The following CFAP99 variants were observed in gnomAD, a reference collection of about 807,000 sequenced individuals.
CFAP99 encodes the protein cilia and flagella associated protein 99.
In CFAP99, 84 loss-of-function variants were observed where a neutral mutation model predicts 82.7. The ratio of observed to expected loss-of-function variants is 1.02; its 90% CI spans 0.85 to 1.22. The LOEUF (loss-of-function observed/expected upper bound fraction) is 1.22, where lower values mean the gene tolerates loss of function less well. Ranked by LOEUF, CFAP99 falls within the 50% of genes most tolerant of loss-of-function variation. CFAP99 has a pLI of 0.00. For missense variants in CFAP99, 1,059 were observed against 983.5 expected, an observed-to-expected ratio of 1.08 and a Z score of -1.03; for synonymous variants, 456 against 429.5, an observed-to-expected ratio of 1.06 and a Z score of -0.76.
At chr4:2,456,475 G>A (rs917453679) in intron 11 of CFAP99, among the ~76,000 whole-genome samples, 14 of 152,098 alleles carry the variant, frequency 9.2e-5, no homozygotes, top group Non-Finnish European at 1.5e-5. Flanking sequence ...CCAGGAGTTC[G>A]AGACCAGCTT....
In CFAP99 at chr4:2,453,428, C is replaced by A. The variant is rs529224166; in HGVS notation, c.1161+1082C>A. On this transcript the variant is annotated intron_variant, in intron 11 of 14. Transcript: ENST00000635017. ...ACGCAGGAGTCCTTGCCGTTTGGGA[C>A]GCGTGGTTTTACTAAATATGGCCAA... is the stretch of plus-strand genomic sequence containing the variant. Among the ~76,000 whole-genome samples the A allele has an allele frequency of 2.6e-5, 4 of 152,128 alleles. No homozygotes were observed. In the East Asian group the frequency reaches 7.7e-4, roughly 29 times the overall value.
chr4:2,450,722 C>T (rs956624409), intron 8 of CFAP99, among the ~76,000 whole-genome samples: 1 of 152,198 alleles, frequency 6.6e-6, no homozygotes, highest in African/African-American at 2.4e-5. Flanking sequence ...ACAGGCCCTG[C>T]ACCCTCCCTG....
At chr4:2,435,594 AAAT>A (rs1733890190) in intron 2 of CFAP99, among the ~76,000 whole-genome samples, 1 of 152,170 alleles carries the variant, frequency 6.6e-6, no homozygotes, top group African/African-American at 2.4e-5. Flanking sequence ...ATTAATTATT[AAAT>A]AATGATAATT....
exon 14 of CFAP99, chr4:2,460,178 C>T (rs1734585660): frequency 2.0e-6 from 3 of 1,536,130 alleles, no homozygotes; most frequent in African/African-American, 2.7e-5. Flanking sequence ...GAGCCAGGAA[C>T]TGCAGAACAT....
chr4:2,458,620 T>TG, intron 11 of CFAP99, 103 bp from the exon 12 acceptor site: 2 of 1,392,388 alleles, frequency 1.4e-6, no homozygotes, highest in Non-Finnish European at 1.9e-6. Flanking sequence ...GGGCAGGGAC[T>TG]GGGTCCACCT....
intron 6 of CFAP99, among the ~76,000 whole-genome samples, chr4:2,445,980 A>C (rs187156278): frequency 6.6e-6 from 1 of 152,312 alleles, no homozygotes; most frequent in African/African-American, 2.4e-5. Context: ...GTGATCAGGA[A>C]TATAATGTCC....
Position 2,462,835 on chromosome 4 carries a change from T to A in CFAP99, c.2054T>A (p.Leu685Gln). ...GCGCAGCTAGAGGCGCAGCACTGGCTGGAGCTGGAGCGGAGCCGCGAGCGC... is the reference window on the plus strand; with the variant it reads ...GCGCAGCTAGAGGCGCAGCACTGGCAGGAGCTGGAGCGGAGCCGCGAGCGC... The change falls in exon 15 of 15, where the codon CTG (leucine) becomes CAG (glutamine). Residue 685 changes from leucine to glutamine, a missense_variant. Coordinates refer to ENST00000635017, the Ensembl canonical transcript of CFAP99. The surrounding 1 kb of genome is among the most constrained non-coding windows in gnomAD (Gnocchi z 4.1). The A allele has an allele frequency of 1.4e-6, 2 of 1,385,400 alleles. No individual in the cohort carries two copies. The highest frequency in any genetic ancestry group is 1.9e-6 in the Non-Finnish European group (2 of 1,069,062). The allele number at this position is 1,385,400 out of a possible 1,614,324, so 85.8% of individuals were successfully genotyped here. A position where few individuals can be genotyped will look rare whatever the true frequency, so the allele number is the denominator to read the frequency against.
intron 2 of CFAP99, among the ~76,000 whole-genome samples, chr4:2,431,230 A>G (rs758556086): frequency 1.3e-5 from 2 of 151,870 alleles, no homozygotes; most frequent in Non-Finnish European, 2.9e-5. Context: ...TTAGCCAGGC[A>G]TGGTGGCGGG....
At chr4:2,453,778 G>T (rs1185461513) in intron 11 of CFAP99, among the ~76,000 whole-genome samples, 12 of 133,106 alleles carry the variant, frequency 9.0e-5, no homozygotes, top group South Asian at 2.4e-4. Flanking sequence ...TATTTAACTT[G>T]ACAAATGCAA....
chr4:2,442,670 G>T (rs963564775), intron 4 of CFAP99, among the ~76,000 whole-genome samples: 6 of 152,272 alleles, frequency 3.9e-5, no homozygotes, highest in East Asian at 1.9e-4. Context: ...ACTGGCTTTC[G>T]GGAAGTTGAC....
At position 2,434,552 on chromosome 4, in the gene CFAP99, G is replaced by C. The variant is rs375168413; in HGVS notation, c.112-2322G>C. ...CACGGGGAACCTTGTGCTTAAAGCC[G>C]TTGCAAGGGCTGGAGGAACTCATGC... is the stretch of plus-strand genomic sequence containing the variant. On this transcript the variant is annotated intron_variant, in intron 2 of 14. Coordinates refer to ENST00000635017, the Ensembl canonical transcript of CFAP99. Among the ~76,000 whole-genome samples the C allele has an allele frequency of 3.3e-5, 5 of 152,332 alleles. No individual in the cohort carries two copies. In the South Asian group the frequency reaches 8.3e-4, roughly 25 times the overall value.
chr4:2,446,368 GTTATTATTATTA>G lies in CFAP99; in HGVS notation c.642+1090_642+1101del, dbSNP rs146154713. Among the ~76,000 whole-genome samples, 340 of 148,494 alleles carry G rather than the reference GTTATTATTATTA, an allele frequency of 2.3e-3. 1 individual carries two copies. The highest frequency in any genetic ancestry group is 7.0e-3 in the African/African-American group (280 of 40,106). On this transcript the variant is annotated intron_variant, in intron 6 of 14. Coordinates refer to ENST00000635017, the Ensembl canonical transcript of CFAP99. The surrounding 1 kb of genome is among the most constrained non-coding windows in gnomAD (Gnocchi z 5.0). ...CTTTTTATTTCATTTTATTATTGTT[GTTATTATTATTA>G]TTATTATTATTATTATTATTATTAT... is the stretch of plus-strand genomic sequence containing the variant.
chr4:2,457,926 A>G (rs1328723819), intron 11 of CFAP99, among the ~76,000 whole-genome samples: 1 of 152,210 alleles, frequency 6.6e-6, no homozygotes, highest in Admixed American at 6.5e-5. Flanking sequence ...GAGGCCCGAG[A>G]CTTGTCCGCT....
chr4:2,458,951 T>G, intron 12 of CFAP99, 87 bp downstream of exon 12: 1 of 1,473,968 alleles, frequency 6.8e-7, no homozygotes, highest in Non-Finnish European at 9.0e-7. Flanking sequence ...TGAGCCACTA[T>G]GGCTGTCCAG....
At chr4:2,436,805 G>T (rs1206086798) in intron 2 of CFAP99, 69 bp from the exon 3 acceptor site, 1 of 1,284,832 alleles carries the variant, frequency 7.8e-7, no homozygotes, top group Non-Finnish European at 1.1e-6. Flanking sequence ...TTGCCCAAGT[G>T]TCCCACCCCC....
At chr4:2,426,018 C>T (rs1352941056) in intron 1 of CFAP99, among the ~76,000 whole-genome samples, 1 of 152,138 alleles carries the variant, frequency 6.6e-6, no homozygotes, top group Non-Finnish European at 1.5e-5. Context: ...GATGAAGAAA[C>T]CGTCACCTTC....
At position 2,438,173 on chromosome 4, in the gene CFAP99, C is replaced by A. The variant is rs7660914; in HGVS notation, c.351+9C>A. ...TGGATAAGATGTGCAAGGTGAGCCA[C>A]CCCTACCTGCCCACCAGGCCACGAG... On this transcript the variant is annotated intron_variant, in intron 4 of 14. Coordinates refer to ENST00000635017, the Ensembl canonical transcript of CFAP99. 526,911 of 1,512,220 alleles carry A rather than the reference C, an allele frequency of 0.35. 94,069 individuals are homozygous for A. The highest frequency in any genetic ancestry group is 0.52 in the Admixed American group (26,641 of 50,928). The allele number at this position is 1,512,220 out of a possible 1,614,324, so 93.7% of individuals were successfully genotyped here. A position where few individuals can be genotyped will look rare whatever the true frequency, so the allele number is the denominator to read the frequency against.
intron 2 of CFAP99, chr4:2,427,309 T>C (rs1454733168): frequency 6.5e-6 from 1 of 152,888 alleles, no homozygotes; most frequent in Non-Finnish European, 1.5e-5. Context: ...GGTGCTGATC[T>C]CACATCCACC....
Position 2,462,427 on chromosome 4 carries a change from C to T in CFAP99, c.1662-16C>T. 4 of 1,417,488 alleles carry T rather than the reference C, an allele frequency of 2.8e-6. No individual in the cohort carries two copies. Among genetic ancestry groups the T allele is most frequent in the Non-Finnish European group, 3.6e-6 (4 of 1,099,016 alleles). The allele number at this position is 1,417,488 out of a possible 1,614,324, so 87.8% of individuals were successfully genotyped here. ...TCCCGCCGGCCTGCTCCTGAGCCCG[C>T]CGCGTCGCCCGCCAGGTGGGAGGAA... On this transcript the variant is annotated splice_polypyrimidine_tract_variant and intron_variant, in intron 14 of 14. Coordinates refer to ENST00000635017, the Ensembl canonical transcript of CFAP99. This position sits in a 1 kb window ranked among gnomAD's most constrained non-coding sequence, Gnocchi z 4.1.
Sources: allele counts gnomAD v4.1 joint callset (sites outside exome capture counted in the v4.1 genomes callset), GRCh38; gene constraint gnomAD v4.1.1; non-coding constraint Gnocchi (gnomAD v3.1); transcripts MANE v1.5; gene names NCBI Gene and HGNC (gene_info 2026-07-23, HGNC 2026-07-21).